PTPRG: variants seen among roughly 807,000 people sequenced by gnomAD.
PTPRG encodes receptor-type tyrosine-protein phosphatase gamma.
In PTPRG, 102 loss-of-function variants were observed where a neutral mutation model predicts 165.3. That is an observed-to-expected ratio of 0.62 (90% CI 0.53 to 0.73). PTPRG has a LOEUF of 0.73. Among genes scored for constraint, PTPRG ranks in the 30% least tolerant of loss-of-function variants. The probability of loss-of-function intolerance (pLI) is 0.00; values close to 1 mark genes in which losing one functional copy is unlikely to be tolerated. For synonymous variants in PTPRG, 675 were observed against 669.5 expected, an observed-to-expected ratio of 1.01 and a Z score of -0.13; for missense variants, 1,866 against 1,861.4, an observed-to-expected ratio of 1.00 and a Z score of -0.05.
intron 2 of PTPRG, among the ~76,000 whole-genome samples, chr3:61,831,838 T>C (rs2036304489): frequency 6.6e-6 from 1 of 152,222 alleles, no homozygotes; most frequent in Admixed American, 6.5e-5. Context: ...AAACTGTATA[T>C]AGATAAACAC....
chr3:61,823,119 G>A (rs1490517867), intron 2 of PTPRG, among the ~76,000 whole-genome samples: 1 of 152,160 alleles, frequency 6.6e-6, no homozygotes, highest in Admixed American at 6.5e-5. Flanking sequence ...TGCGTAGTTT[G>A]CATTTGCAAG....
chr3:61,941,952 A>G (rs2039642284), intron 2 of PTPRG, among the ~76,000 whole-genome samples: 1 of 151,468 alleles, frequency 6.6e-6, no homozygotes, highest in African/African-American at 2.4e-5. Flanking sequence ...TGAGGTCAGG[A>G]GCTGGAGACC....
intron 5 of PTPRG, among the ~76,000 whole-genome samples, chr3:62,110,603 T>C (rs1205529060): frequency 1.3e-5 from 2 of 151,866 alleles, no homozygotes; most frequent in South Asian, 2.1e-4. Flanking sequence ...AGGACTTGTG[T>C]GTGTGAAAAG....
chr3:61,800,596 GAGGTAAT>G lies in PTPRG; in HGVS notation c.190+51619_190+51625del, dbSNP rs558474794. Among the ~76,000 whole-genome samples, 12 of 151,956 alleles carry G rather than the reference GAGGTAAT, an allele frequency of 7.9e-5. No homozygotes were observed. The East Asian group carries it at 2.3e-3, about 29-fold the overall frequency. On this transcript the variant is annotated intron_variant, in intron 2 of 29. Transcript: ENST00000474889. ...TTGGGTGAAGAAAGTCATGTTTCCT[GAGGTAAT>G]AGGTGTGGAGAAAGAAGGGTGTTCC...
intron 1 of PTPRG, among the ~76,000 whole-genome samples, chr3:61,578,534 G>A (rs1292397227): frequency 1.3e-5 from 2 of 152,224 alleles, no homozygotes; most frequent in African/African-American, 2.4e-5. Flanking sequence ...CTCTTGGGAT[G>A]TTTGGTTCCT....
chr3:62,105,668 C>T (rs1189993409), intron 5 of PTPRG, among the ~76,000 whole-genome samples: 1 of 152,142 alleles, frequency 6.6e-6, no homozygotes, highest in Non-Finnish European at 1.5e-5. Context: ...GGAACATATG[C>T]TAGAGCCACA....
intron 2 of PTPRG, among the ~76,000 whole-genome samples, chr3:61,916,953 G>T (rs1218371216): frequency 1.3e-5 from 2 of 152,156 alleles, no homozygotes; most frequent in African/African-American, 4.8e-5. Context: ...AATTGATGGT[G>T]AATGATGCCC....
At chr3:61,837,336 A>T (rs1213562903) in intron 2 of PTPRG, among the ~76,000 whole-genome samples, 1 of 152,212 alleles carries the variant, frequency 6.6e-6, no homozygotes. Context: ...GGTGTGAGCC[A>T]CCGCACCCAA....
At chr3:61,627,801 G>T (rs764569489) in intron 1 of PTPRG, among the ~76,000 whole-genome samples, 6 of 152,182 alleles carry the variant, frequency 3.9e-5, no homozygotes, top group Non-Finnish European at 8.8e-5. Flanking sequence ...AAATATGAAA[G>T]AATCAAGTAG....
intron 6 of PTPRG, among the ~76,000 whole-genome samples, chr3:62,154,021 A>G (rs780558796): frequency 3.3e-5 from 5 of 152,226 alleles, no homozygotes; most frequent in Non-Finnish European, 7.3e-5. Context: ...TTTTGACCTT[A>G]GGTCTTTTAC....
At chr3:61,818,104 T>G (rs1005471957) in intron 2 of PTPRG, among the ~76,000 whole-genome samples, 2 of 152,140 alleles carry the variant, frequency 1.3e-5, no homozygotes, top group African/African-American at 4.8e-5. Flanking sequence ...CCCCCCACCC[T>G]AACCCCATGA....
intron 6 of PTPRG, among the ~76,000 whole-genome samples, chr3:62,149,679 G>A (rs540260277): frequency 6.6e-6 from 1 of 152,266 alleles, no homozygotes. Flanking sequence ...GTGTTTGGCA[G>A]GCCCTCCTGT....
intron 4 of PTPRG, among the ~76,000 whole-genome samples, chr3:62,013,007 T>G (rs1348434354): frequency 2.0e-5 from 3 of 152,174 alleles, no homozygotes; most frequent in African/African-American, 7.2e-5. Context: ...ACATTGTCAC[T>G]TTAAATTTTC....
chr3:62,045,301 T>G lies in PTPRG; in HGVS notation c.520-32862T>G, dbSNP rs191113512. Reference sequence around the variant, plus strand: ...TCACAACCAATTAAGGCTATTTGGTTTCATTAAAAATAGCATTTTCTCATT... The same window carrying G: ...TCACAACCAATTAAGGCTATTTGGTGTCATTAAAAATAGCATTTTCTCATT... On this transcript the variant is annotated intron_variant, in intron 4 of 29. Transcript: ENST00000474889. Among the ~76,000 whole-genome samples the G allele has an allele frequency of 7.7e-4, 117 of 152,338 alleles. 2 individuals are homozygous for G. The South Asian group carries it at 0.021, about 28-fold the overall frequency.
chr3:62,150,379 G>A (rs1031606499), intron 6 of PTPRG, among the ~76,000 whole-genome samples: 5 of 152,324 alleles, frequency 3.3e-5, no homozygotes, highest in African/African-American at 1.2e-4. Flanking sequence ...AAAGTGGCTA[G>A]TCAGATATGG....
intron 16 of PTPRG, among the ~76,000 whole-genome samples, chr3:62,256,273 A>G (rs192876909): frequency 1.1e-3 from 172 of 152,300 alleles, no homozygotes; most frequent in Admixed American, 2.4e-3. Flanking sequence ...ACAATGAGAA[A>G]TAAAAACAGG....
chr3:61,836,612 C>A lies in PTPRG; in HGVS notation c.190+87630C>A, dbSNP rs568688206. ...AACTAGGAATATCAGATAATAATAT[C>A]TATTGCCATCACTTTGTAGTTGAGG... On this transcript the variant is annotated intron_variant, in intron 2 of 29. Transcript: ENST00000474889. 3.3e-4 allele frequency among the ~76,000 whole-genome samples: 51 copies of A among 152,314 alleles called. 1 individual carries two copies. In the South Asian group the frequency reaches 0.01, roughly 31 times the overall value.
intron 1 of PTPRG, among the ~76,000 whole-genome samples, chr3:61,708,339 A>C (rs1478543393): frequency 1.3e-5 from 2 of 151,854 alleles, no homozygotes; most frequent in Non-Finnish European, 2.9e-5. Context: ...GGAGTGTCTC[A>C]GGAGCATGAG....
intron 2 of PTPRG, among the ~76,000 whole-genome samples, chr3:61,773,775 T>C (rs911821675): frequency 1.4e-5 from 2 of 147,924 alleles, no homozygotes; most frequent in Admixed American, 1.4e-4. Flanking sequence ...TTCTCCCCCA[T>C]TGACTTTTTT....
Sources: allele counts gnomAD v4.1 joint callset (sites outside exome capture counted in the v4.1 genomes callset), GRCh38; gene constraint gnomAD v4.1.1; transcripts MANE v1.5; gene names NCBI Gene and HGNC (gene_info 2026-07-23, HGNC 2026-07-21).